EOLA2: variants seen among roughly 807,000 people sequenced by gnomAD.
The protein encoded by EOLA2 is protein EOLA2.
A neutral mutation model predicts 4.1 loss-of-function variants in EOLA2; 3 were observed. That is an observed-to-expected ratio of 0.73 (90% CI 0.33 to 1.89). The LOEUF is 1.89. Among genes scored for constraint, EOLA2 ranks in the 40% most tolerant of loss-of-function variants. EOLA2 has a pLI of 0.08. For missense variants in EOLA2, 109 were observed against 126.4 expected (o/e 0.86, Z 0.66); for synonymous variants, 52 against 51.7 (o/e 1.01, Z -0.03).
chrX:149,937,419 G>C lies in EOLA2; in HGVS notation c.-163+14C>G. On this transcript the variant is annotated intron_variant, in intron 2 of 4. Transcript: ENST00000370406. ...GGGGTTGAGTCCCCTCCTACCTGGT[G>C]CTGCAGAGAGTACCTGCTTTACGGC... 6 of 715,371 alleles carry C rather than the reference G, an allele frequency of 8.4e-6. No homozygotes were observed. The highest frequency in any genetic ancestry group is 1.0e-5 in the Non-Finnish European group (6 of 602,972). The allele number at this position is 715,371 out of a possible 1,213,427, so 59.0% of individuals were successfully genotyped here.
At chrX:149,934,536 C>T (rs2090946132) in intron 2 of EOLA2, 2 of 753,160 alleles carry the variant, frequency 2.7e-6, no homozygotes, top group Admixed American at 8.7e-5. Context: ...CCCACCACTG[C>T]TCTCCACTGT....
Position 149,938,219 on chromosome X carries a change from C to T in EOLA2, c.-237G>A, listed in dbSNP as rs1391003658. On this transcript the variant is annotated 5_prime_UTR_variant, in exon 1 of 5. Coordinates refer to ENST00000370406, the MANE Select transcript of EOLA2 (RefSeq NM_001013845.2). ...TTTCAGCCGCGGCCGGTCTCACGGC[C>T]TCTGGACCCTGAGAGTCGTGGGCGT... The T allele has an allele frequency of 8.8e-6, 1 of 113,187 alleles. No homozygotes were observed. Among genetic ancestry groups the T allele is most frequent in the African/African-American group, 3.2e-5 (1 of 31,205 alleles). The allele number at this position is 113,187 out of a possible 1,213,427, so 9.3% of individuals were successfully genotyped here.
chrX:149,938,012 G>C (rs1184324407), intron 1 of EOLA2, 181 bp downstream of exon 1: 1 of 112,938 alleles, frequency 8.9e-6, no homozygotes, highest in Non-Finnish European at 1.9e-5. Context: ...CAGGTCGCGG[G>C]TACACGCGCT....
chrX:149,937,959 G>C (rs2091043899), intron 1 of EOLA2, among the ~76,000 whole-genome samples: 1 of 112,815 alleles, frequency 8.9e-6, no homozygotes, highest in East Asian at 2.8e-4. Context: ...GGGAAGACCG[G>C]GCCGAGATGG....
Position 149,932,680 on chromosome X carries a change from G to C in EOLA2, c.341C>G (p.Thr114Ser). 1.7e-6 allele frequency: 2 copies of C among 1,208,453 alleles called. No individual in the cohort carries two copies. Among genetic ancestry groups the C allele is most frequent in the Non-Finnish European group, 2.2e-6 (2 of 894,348 alleles). The change falls in exon 5 of 5, where the codon ACC (threonine) becomes AGC (serine). Residue 114 changes from threonine (T) to serine (S), a missense_variant. Thr to Ser is a moderately conservative substitution (Grantham distance 58). Transcript: ENST00000370406. ...VVELENQAAL[T>S]NLKQKYLTVI... ...AGTCAGGTACTTCTGCTTCAGGTTG[G>C]TCAGTGCAGCTTGATTTTCTAGTTC...
Position 149,934,082 on chromosome X carries a change from T to C in EOLA2, c.-107A>G. 1 of 1,078,327 alleles carries C rather than the reference T, an allele frequency of 9.3e-7. No individual in the cohort carries two copies. Among genetic ancestry groups the C allele is most frequent in the Non-Finnish European group, 1.2e-6 (1 of 835,679 alleles). 88.9% of individuals were successfully genotyped at this position (1,078,327 alleles called of 1,213,427 possible). On this transcript the variant is annotated 5_prime_UTR_variant, in exon 3 of 5. Coordinates refer to ENST00000370406, the MANE Select transcript of EOLA2 (RefSeq NM_001013845.2). Reference sequence around the variant, plus strand: ...CCAAGGGAAGGGGCTAGGATTCGGCTGACTCAGGTCCATCCCATGGAGTCT... The same window carrying C: ...CCAAGGGAAGGGGCTAGGATTCGGCCGACTCAGGTCCATCCCATGGAGTCT...
At chrX:149,931,090 CGAT>C, downstream of EOLA2, 1 of 937,996 alleles carries the variant, frequency 1.1e-6, no homozygotes, top group Non-Finnish European at 1.3e-6. Context: ...AGCCCTCTGA[CGAT>C]GAGGAGGAGT....
chrX:149,935,069 C>A (rs1273313042), intron 2 of EOLA2, among the ~76,000 whole-genome samples: 10 of 110,872 alleles, frequency 9.0e-5, no homozygotes, highest in Non-Finnish European at 5.7e-5. Flanking sequence ...TTGAGCTGCC[C>A]CTACTCCTCT....
At chrX:149,931,094 G>C, downstream of EOLA2, 1 of 938,099 alleles carries the variant, frequency 1.1e-6, no homozygotes, top group Non-Finnish European at 1.3e-6. Context: ...CTCTGACGAT[G>C]AGGAGGAGTA....
intron 2 of EOLA2, chrX:149,934,530 C>A (rs1350503329): frequency 2.7e-6 from 2 of 752,997 alleles, no homozygotes; most frequent in Non-Finnish European, 3.1e-6. Flanking sequence ...CCTTCCCCCA[C>A]CACTGCTCTC....
At chrX:149,938,115 G>A (rs782320215) in intron 1 of EOLA2, 78 bp downstream of exon 1, 3 of 113,418 alleles carry the variant, frequency 2.6e-5, no homozygotes, top group South Asian at 3.6e-4. Context: ...CGAAACCCAG[G>A]GGAAAGAAAC....
chrX:149,931,442 T>C (rs2090871999), downstream of EOLA2, among the ~76,000 whole-genome samples: 1 of 108,542 alleles, frequency 9.2e-6, no homozygotes, highest in Non-Finnish European at 1.9e-5. Context: ...CAAAGGATGT[T>C]GCTAGGAAGT....
At chrX:149,929,853 T>TC (rs1163820434), downstream of EOLA2, 3 of 862,145 alleles carry the variant, frequency 3.5e-6, no homozygotes, top group Non-Finnish European at 4.4e-6. Flanking sequence ...CAACGCGTGG[T>TC]CAACGTGGAA....
chrX:149,934,875 A>G (rs1748787276), intron 2 of EOLA2, among the ~76,000 whole-genome samples: 1 of 112,324 alleles, frequency 8.9e-6, no homozygotes. Flanking sequence ...CTGGGCTTGA[A>G]ACCAGAACCT....
Position 149,932,470 on chromosome X carries a change from G to T in EOLA2, c.*74C>A, listed in dbSNP as rs782307666. The T allele has an allele frequency of 8.1e-5, 97 of 1,197,675 alleles. No individual in the cohort carries two copies. Among genetic ancestry groups the T allele is most frequent in the Non-Finnish European group, 1.1e-4 (96 of 887,962 alleles). ...TTTAACCTAATTTATACAGGTCTGC[G>T]TCACGATGGCAAATTGAAGGTGCCA... On this transcript the variant is annotated 3_prime_UTR_variant, in exon 5 of 5. Transcript: ENST00000370406.
intron 1 of EOLA2, 189 bp downstream of exon 1, chrX:149,938,004 G>C (rs782620782): frequency 8.8e-6 from 1 of 113,094 alleles, no homozygotes; most frequent in East Asian, 2.8e-4. Flanking sequence ...TGCAGACGCA[G>C]GTCGCGGGTA....
At position 149,932,576 on chromosome X, in the gene EOLA2, C is replaced by G. The variant is rs782614812; in HGVS notation, c.445G>C (p.Glu149Gln). 8.3e-6 allele frequency: 10 copies of G among 1,203,520 alleles called. No individual in the cohort carries two copies. The highest frequency in any genetic ancestry group is 1.0e-5 in the Non-Finnish European group (9 of 892,471). Reference sequence around the variant, plus strand: ...TCATGCCCCAAAGGGATCAGGTGCTCTGGGATGTCTACCTGGAATACATCC... The same window carrying G: ...TCATGCCCCAAAGGGATCAGGTGCTGTGGGATGTCTACCTGGAATACATCC... The part of the protein sequence containing the change: ...GKDVFQVDIP[E>Q]HLIPLGHEV The change falls in exon 5 of 5, where the codon GAG becomes CAG. Residue 149 changes from glutamate (E) to glutamine (Q), a missense_variant. Transcript: ENST00000370406.
chrX:149,933,701 C>T lies in EOLA2; in HGVS notation c.174G>A (p.Val58=), dbSNP rs2090923918. The T allele has an allele frequency of 8.3e-7, 1 of 1,208,046 alleles. No individual in the cohort carries two copies. Among genetic ancestry groups the T allele is most frequent in the African/African-American group, 1.8e-5 (1 of 55,208 alleles). ...WEGDACRELL[V]ERLGMTPAQI... ...GAGCAGGAGTCATCCCGAGTCTCTC[C>T]ACCAGCAGCTCCCGACAGGCATCGC... The change falls in exon 4 of 5, where the codon GTG becomes GTA. Residue 58 remains valine, a synonymous_variant. Coordinates refer to ENST00000370406, the MANE Select transcript of EOLA2 (RefSeq NM_001013845.2).
intron 2 of EOLA2, among the ~76,000 whole-genome samples, chrX:149,934,776 A>G (rs1445769405): frequency 8.9e-6 from 1 of 112,117 alleles, no homozygotes; most frequent in Non-Finnish European, 1.9e-5. Context: ...CTGACTTCCC[A>G]CAACTCTTGC....
Sources: allele counts gnomAD v4.1 joint callset (sites outside exome capture counted in the v4.1 genomes callset), GRCh38; gene constraint gnomAD v4.1.1; transcripts MANE v1.5; gene names NCBI Gene and HGNC (gene_info 2026-07-23, HGNC 2026-07-21).